INTS6: variants seen among roughly 807,000 people sequenced by gnomAD.
The protein encoded by INTS6 is integrator complex subunit 6, also known as DEAD box protein.
A neutral mutation model predicts 104.9 loss-of-function variants in INTS6; 16 were observed. The ratio of observed to expected loss-of-function variants is 0.15; its 90% CI spans 0.10 to 0.23. The LOEUF is 0.23. Ranked by LOEUF, INTS6 falls within the 10% of genes least tolerant of loss-of-function variation. INTS6 has a pLI of 1.00. For missense variants in INTS6, 584 were observed against 1,062.8 expected, an observed-to-expected ratio of 0.55 and a Z score of 6.26; for synonymous variants, 324 against 358.7, an observed-to-expected ratio of 0.90 and a Z score of 1.09.
chr13:51,452,108 G>A lies in INTS6; in HGVS notation c.112-53C>T, dbSNP rs944678702. ...GGCGACAGGGAAGCACAGAGGCGAG[G>A]TTACGAGGCGGAGAAGGGGCGCCCA... On this transcript the variant is annotated intron_variant, in intron 1 of 17. Transcript: ENST00000311234. This position sits in a 1 kb window ranked among gnomAD's most constrained non-coding sequence, Gnocchi z 4.2. The A allele has an allele frequency of 8.1e-5, 126 of 1,550,488 alleles. No individual in the cohort carries two copies. The highest frequency in any genetic ancestry group is 2.1e-4 in the Middle Eastern group (1 of 4,716).
intron 3 of INTS6, chr13:51,441,617 G>C (rs537190847): frequency 2.1e-4 from 32 of 152,116 alleles, no homozygotes; most frequent in Admixed American, 5.9e-4. Context: ...ATACTGGTTG[G>C]CATACTACAT....
chr13:51,413,036 G>A (rs187872243), intron 4 of INTS6, among the ~76,000 whole-genome samples: 2 of 152,294 alleles, frequency 1.3e-5, no homozygotes, highest in Admixed American at 6.5e-5. Context: ...AACAGCAACT[G>A]TGTGACTATT....
In INTS6 at chr13:51,386,075, G is replaced by A. The variant is rs140352113; in HGVS notation, c.894+1311C>T. On this transcript the variant is annotated intron_variant, in intron 7 of 17. Transcript: ENST00000311234. ...CCTATATACATGTTATGATCCACCCGTACTCAGCTACTTGTTACTCCTCTA... is the reference window on the plus strand; with the variant it reads ...CCTATATACATGTTATGATCCACCCATACTCAGCTACTTGTTACTCCTCTA... Among the ~76,000 whole-genome samples the A allele has an allele frequency of 1.1e-4, 16 of 152,152 alleles. No homozygotes were observed. The East Asian group carries it at 1.9e-3, about 18-fold the overall frequency.
intron 4 of INTS6, among the ~76,000 whole-genome samples, chr13:51,414,976 T>G (rs1321007002): frequency 6.6e-6 from 1 of 151,938 alleles, no homozygotes; most frequent in Non-Finnish European, 1.5e-5. Context: ...CAAGAACAAT[T>G]CGAAAGTCAA....
chr13:51,361,224 G>A (rs1363321704), downstream of INTS6: 1 of 1,132,276 alleles, frequency 8.8e-7, no homozygotes, highest in Non-Finnish European at 1.3e-6. Flanking sequence ...TGTTCTAAAT[G>A]TGTTAGAAAA....
At chr13:51,444,493 A>C (rs1952864713) in intron 3 of INTS6, 1 of 151,746 alleles carries the variant, frequency 6.6e-6, no homozygotes, top group Non-Finnish European at 1.5e-5. Context: ...CACGCCTGTA[A>C]ATCCCAGCAC....
chr13:51,431,691 G>C (rs1232325723), intron 3 of INTS6, among the ~76,000 whole-genome samples: 2 of 152,084 alleles, frequency 1.3e-5, no homozygotes, highest in East Asian at 1.9e-4. Context: ...CATTCAACTT[G>C]TAAGTGACAC....
At chr13:51,389,983 A>G (rs1956215126) in intron 5 of INTS6, among the ~76,000 whole-genome samples, 1 of 152,212 alleles carries the variant, frequency 6.6e-6, no homozygotes, top group Admixed American at 6.5e-5. Context: ...TACAGATGGT[A>G]GCGTGTGCTT....
At chr13:51,429,249 TTA>T (rs1398046826) in intron 4 of INTS6, among the ~76,000 whole-genome samples, 1 of 152,168 alleles carries the variant, frequency 6.6e-6, no homozygotes, top group Non-Finnish European at 1.5e-5. Flanking sequence ...TCCTGCTTAA[TTA>T]AACCCTTATA....
chr13:51,426,242 A>T (rs1956983437), intron 4 of INTS6, among the ~76,000 whole-genome samples: 1 of 152,250 alleles, frequency 6.6e-6, no homozygotes, highest in Middle Eastern at 3.4e-3. Flanking sequence ...CCCAGAGAAC[A>T]GTATTCCTAC....
chr13:51,346,776 A>G, the INTS6 span, among the ~76,000 whole-genome samples: 1 of 152,344 alleles, frequency 6.6e-6, no homozygotes, highest in Admixed American at 6.5e-5. Context: ...CATATCGCTC[A>G]ACAGTCCCCA....
intron 4 of INTS6, among the ~76,000 whole-genome samples, chr13:51,429,707 T>C (rs1957050048): frequency 7.7e-6 from 1 of 130,604 alleles, no homozygotes. Context: ...GAGGCTGCAG[T>C]GAGCCAAGAT....
chr13:51,429,807 T>C (rs1424487483), intron 4 of INTS6, among the ~76,000 whole-genome samples: 2 of 133,056 alleles, frequency 1.5e-5, no homozygotes, highest in African/African-American at 5.7e-5. Flanking sequence ...TATATATATA[T>C]ATGTATAATA....
At chr13:51,414,667 G>GA (rs1956751057) in intron 4 of INTS6, among the ~76,000 whole-genome samples, 1 of 152,102 alleles carries the variant, frequency 6.6e-6, no homozygotes, top group Admixed American at 6.6e-5. Context: ...CATTTTTGGT[G>GA]AAACTGAGTG....
chr13:51,440,244 C>T (rs1231516103), intron 3 of INTS6: 1 of 148,444 alleles, frequency 6.7e-6, no homozygotes, highest in Non-Finnish European at 1.5e-5. Flanking sequence ...TAGCAAGACT[C>T]CATCTCAAAA....
In INTS6 at chr13:51,452,240, C is replaced by T; in HGVS notation, c.111+175G>A. 4.5e-6 allele frequency: 3 copies of T among 669,992 alleles called. No individual in the cohort carries two copies. Among genetic ancestry groups the T allele is most frequent in the Non-Finnish European group, 6.1e-6 (3 of 491,302 alleles). 41.5% of individuals were successfully genotyped at this position (669,992 alleles called of 1,614,324 possible). On this transcript the variant is annotated intron_variant, in intron 1 of 17. Transcript: ENST00000311234. This position sits in a 1 kb window ranked among gnomAD's most constrained non-coding sequence, Gnocchi z 4.2. ...CACCGCCCGGGGCCGGAGCCCGGGC[C>T]CCGGCCGAACCCGGCTCGCAGCGCC...
rs959675663 is a variant in INTS6 at position 51,362,497 on chromosome 13, A to C, written c.*3255T>G. ...TTCTTAGGCTTCGACAATATTGAAC[A>C]AAGTCTTTAGATTATTTCTCTTAAT... is the stretch of plus-strand genomic sequence containing the variant. On this transcript the variant is annotated 3_prime_UTR_variant, in exon 18 of 18. Coordinates refer to ENST00000311234, the MANE Select transcript of INTS6 (RefSeq NM_012141.3). The C allele has an allele frequency of 6.6e-6, 1 of 152,628 alleles. No individual in the cohort carries two copies. Among genetic ancestry groups the C allele is most frequent in the African/African-American group, 2.4e-5 (1 of 41,418 alleles). 9.5% of individuals were successfully genotyped at this position (152,628 alleles called of 1,614,324 possible).
At chr13:51,353,664 T>G (rs1955434575), downstream of INTS6, among the ~76,000 whole-genome samples, 1 of 152,206 alleles carries the variant, frequency 6.6e-6, no homozygotes, top group Admixed American at 6.5e-5. Context: ...GTCAGCATAC[T>G]TGGAGAAAGT....
At chr13:51,375,734 G>GGTCT (rs1955910545) in intron 13 of INTS6, among the ~76,000 whole-genome samples, 1 of 147,560 alleles carries the variant, frequency 6.8e-6, no homozygotes, top group Non-Finnish European at 1.5e-5. Flanking sequence ...TTGATAAGTG[G>GGTCT]GTGTGTGTGT....
Sources: allele counts gnomAD v4.1 joint callset (sites outside exome capture counted in the v4.1 genomes callset), GRCh38; gene constraint gnomAD v4.1.1; non-coding constraint Gnocchi (gnomAD v3.1); transcripts MANE v1.5; gene names NCBI Gene and HGNC (gene_info 2026-07-23, HGNC 2026-07-21).